Variants in SPECC1L observed in about 807,000 individuals in gnomAD.
SPECC1L encodes the protein sperm antigen with calponin homology and coiled-coil domains 1 like, also known as cytospin-A.
In SPECC1L, 40 loss-of-function variants were observed where a neutral mutation model predicts 116.8. The observed-to-expected ratio is 0.34, with a 90% CI of 0.27 to 0.45. The LOEUF (loss-of-function observed/expected upper bound fraction) is 0.45. Among genes scored for constraint, SPECC1L ranks in the 20% least tolerant of loss-of-function variants. The pLI, the probability that SPECC1L is intolerant of heterozygous loss-of-function variation, is 1.00. For synonymous variants in SPECC1L, 504 were observed against 500.6 expected, an observed-to-expected ratio of 1.01 and a Z score of -0.09; for missense variants, 1,110 against 1,373.6, an observed-to-expected ratio of 0.81 and a Z score of 3.03.
chr22:24,341,932 G>A (rs1569427447), intron 10 of SPECC1L, among the ~76,000 whole-genome samples: 1 of 152,146 alleles, frequency 6.6e-6, no homozygotes, highest in Non-Finnish European at 1.5e-5. Flanking sequence ...GCAGATCTTC[G>A]ATCCTCGAGA....
At chr22:24,350,122 A>G (rs1478865094) in intron 11 of SPECC1L, among the ~76,000 whole-genome samples, 1 of 151,986 alleles carries the variant, frequency 6.6e-6, no homozygotes, top group Non-Finnish European at 1.5e-5. Context: ...GGCACTTTCT[A>G]TGCTGGAACC....
At chr22:24,341,726 A>G (rs1426700185) in intron 10 of SPECC1L, among the ~76,000 whole-genome samples, 3 of 152,338 alleles carry the variant, frequency 2.0e-5, no homozygotes, top group East Asian at 3.9e-4. Context: ...GTGGTGGGAT[A>G]AGGTTATCAC....
At position 24,365,573 on chromosome 22, in the gene SPECC1L, G is replaced by A; in HGVS notation, c.2925G>A (p.Gln975=). The change falls in exon 13 of 17, where the codon CAG becomes CAA. Residue 975 remains glutamine (Q), a synonymous_variant. Coordinates refer to ENST00000314328, the MANE Select transcript of SPECC1L (RefSeq NM_015330.6). ...SLMAMGTTSP[Q]LSLSSSPTAS... The stretch of plus-strand genomic sequence containing the variant: ...TGGCTATGGGAACCACGTCTCCACA[G>A]CTTTCCCTGTCCTCTTCTCCAACGG... 6.2e-7 allele frequency: 1 copy of A among 1,614,216 alleles called. No homozygotes were observed. The highest frequency in any genetic ancestry group is 8.5e-7 in the Non-Finnish European group (1 of 1,180,042).
At chr22:24,274,183 A>G (rs1228271483) in intron 1 of SPECC1L, among the ~76,000 whole-genome samples, 1 of 152,244 alleles carries the variant, frequency 6.6e-6, no homozygotes, top group Non-Finnish European at 1.5e-5. Context: ...GTTTTCTGTC[A>G]GCTCAGAAAT....
At chr22:24,411,737 C>T in intron 15 of SPECC1L, 33 bp downstream of exon 15, 3 of 1,560,742 alleles carry the variant, frequency 1.9e-6, no homozygotes, top group Non-Finnish European at 2.6e-6. Flanking sequence ...CTGGCACCCA[C>T]CTCACAGGGT....
intron 8 of SPECC1L, among the ~76,000 whole-genome samples, chr22:24,333,914 A>T (rs2040991789): frequency 6.6e-6 from 1 of 152,162 alleles, no homozygotes; most frequent in Non-Finnish European, 1.5e-5. Flanking sequence ...TAAAAATTTC[A>T]GTATCATTTC....
intron 2 of SPECC1L, among the ~76,000 whole-genome samples, chr22:24,298,210 G>A (rs1285931536): frequency 6.6e-6 from 1 of 152,088 alleles, no homozygotes; most frequent in African/African-American, 2.4e-5. Context: ...TAATGTAAGT[G>A]GTCTGAGCAT....
At chr22:24,324,111 A>G (rs1002876548) in intron 5 of SPECC1L, 109 bp from the exon 6 acceptor site, 42 of 865,248 alleles carry the variant, frequency 4.9e-5, no homozygotes, top group Non-Finnish European at 7.6e-5. Context: ...TAGTTTATCC[A>G]TAGTGCCTCA....
chr22:24,300,779 A>G (rs1206625594), intron 2 of SPECC1L, among the ~76,000 whole-genome samples: 51 of 152,222 alleles, frequency 3.4e-4, no homozygotes, highest in Admixed American at 2.9e-3. Context: ...ATATAGACCA[A>G]TGGAACAGAA....
intron 8 of SPECC1L, among the ~76,000 whole-genome samples, chr22:24,332,133 T>G (rs879417017): frequency 6.6e-6 from 1 of 152,230 alleles, no homozygotes; most frequent in Non-Finnish European, 1.5e-5. Context: ...GTGGGTATTT[T>G]GTGAAAACAG....
intron 11 of SPECC1L, among the ~76,000 whole-genome samples, chr22:24,361,270 G>C (rs115202559): frequency 0.028 from 4,275 of 152,228 alleles, 106 homozygotes; most frequent in African/African-American, 0.063. Context: ...CATACCTATA[G>C]TCCCAGCCCT....
At chr22:24,333,456 T>A (rs190126443) in intron 8 of SPECC1L, among the ~76,000 whole-genome samples, 1 of 152,266 alleles carries the variant, frequency 6.6e-6, no homozygotes, top group East Asian at 1.9e-4. Flanking sequence ...GCGTAGTGAA[T>A]TTAGAATGGG....
chr22:24,342,107 C>T (rs1404528119), intron 10 of SPECC1L, among the ~76,000 whole-genome samples: 1 of 152,156 alleles, frequency 6.6e-6, no homozygotes, highest in Non-Finnish European at 1.5e-5. Context: ...GTAACTAATA[C>T]AGTAGTGTAC....
chr22:24,334,683 C>T (rs923127380), intron 9 of SPECC1L, 110 bp downstream of exon 9: 37 of 1,204,650 alleles, frequency 3.1e-5, no homozygotes, highest in Non-Finnish European at 4.2e-5. Flanking sequence ...GTCCCATTAA[C>T]TTTCATATAG....
At chr22:24,316,066 T>G (rs990256998) in intron 4 of SPECC1L, among the ~76,000 whole-genome samples, 6 of 152,228 alleles carry the variant, frequency 3.9e-5, no homozygotes, top group Non-Finnish European at 8.8e-5. Flanking sequence ...TTTTGTGTGT[T>G]TTGTGCGGGC....
At chr22:24,351,108 C>T (rs778187850) in intron 11 of SPECC1L, among the ~76,000 whole-genome samples, 7 of 152,280 alleles carry the variant, frequency 4.6e-5, no homozygotes, top group Non-Finnish European at 7.3e-5. Context: ...GCTTTCCAGG[C>T]TTATCTTGAT....
chr22:24,334,512 T>G lies in SPECC1L; in HGVS notation c.2499T>G (p.Thr833=). The G allele has an allele frequency of 6.2e-7, 1 of 1,614,190 alleles. No individual in the cohort carries two copies. Among genetic ancestry groups the G allele is most frequent in the Non-Finnish European group, 8.5e-7 (1 of 1,180,020 alleles). Residue 833 remains threonine, a synonymous_variant, in exon 9 of 17, where the codon ACT becomes ACG. Coordinates refer to ENST00000314328, the MANE Select transcript of SPECC1L (RefSeq NM_015330.6). ...QGMGLSRRSS[T]SSEPTPTVKT... ...TGGGACTGAGTAGAAGGTCCTCGAC[T>G]TCCTCAGAGCCAACTCCTACAGTAA...
At chr22:24,361,639 T>C (rs1336159639) in intron 11 of SPECC1L, among the ~76,000 whole-genome samples, 1 of 151,630 alleles carries the variant, frequency 6.6e-6, no homozygotes. Flanking sequence ...CTACAAAAAA[T>C]ACAAAAATTA....
At chr22:24,310,796 G>A (rs2040447248) in intron 3 of SPECC1L, among the ~76,000 whole-genome samples, 1 of 151,580 alleles carries the variant, frequency 6.6e-6, no homozygotes. Flanking sequence ...TGGTTTTTTG[G>A]TTGTACAAAA....
Sources: allele counts gnomAD v4.1 joint callset (sites outside exome capture counted in the v4.1 genomes callset), GRCh38; gene constraint gnomAD v4.1.1; transcripts MANE v1.5; gene names NCBI Gene and HGNC (gene_info 2026-07-23, HGNC 2026-07-21).